Variants in CHEK1 observed in about 807,000 individuals in gnomAD.
CHEK1 encodes the protein checkpoint kinase 1, also known as serine/threonine-protein kinase Chk1.
CHEK1 carries 32 observed loss-of-function variants against 60.2 expected under a neutral mutation model. The observed-to-expected ratio is 0.53, with a 90% CI of 0.40 to 0.71. The LOEUF (loss-of-function observed/expected upper bound fraction) is 0.71, where lower values mean the gene tolerates loss of function less well. Among genes scored for constraint, CHEK1 ranks in the 30% least tolerant of loss-of-function variants. The pLI, the probability that CHEK1 is intolerant of heterozygous loss-of-function variation, is 0.00. For synonymous variants in CHEK1, 179 were observed against 187.2 expected (o/e 0.96, Z 0.36); for missense variants, 399 against 564.6 (o/e 0.71, Z 2.97).
intron 8 of CHEK1, among the ~76,000 whole-genome samples, chr11:125,642,488 T>A (rs1455066345): frequency 6.6e-6 from 1 of 152,034 alleles, no homozygotes; most frequent in Non-Finnish European, 1.5e-5. Flanking sequence ...TGGCACAGAG[T>A]AGACCTAATA....
At chr11:125,626,690 C>T in intron 1 of CHEK1, 59 bp from the exon 2 acceptor site, 2 of 1,493,830 alleles carry the variant, frequency 1.3e-6, no homozygotes, top group Admixed American at 1.7e-5. Flanking sequence ...AGGCGGGGCT[C>T]AGTGGCTTCA....
chr11:125,626,347 G>A, intron 1 of CHEK1: 4 of 435,812 alleles, frequency 9.2e-6, no homozygotes, highest in Non-Finnish European at 1.7e-5. Flanking sequence ...TTGAGCAATT[G>A]GGAGGAGGCG....
At chr11:125,679,116 T>G (rs899297578), downstream of CHEK1, among the ~76,000 whole-genome samples, 2 of 150,280 alleles carry the variant, frequency 1.3e-5, no homozygotes, top group Non-Finnish European at 3.0e-5. Flanking sequence ...TAGTACTCAA[T>G]TTTATTTTTC....
At chr11:125,637,158 G>T (rs1941101393) in intron 7 of CHEK1, among the ~76,000 whole-genome samples, 1 of 152,122 alleles carries the variant, frequency 6.6e-6, no homozygotes, top group African/African-American at 2.4e-5. Flanking sequence ...GATAAGAGGG[G>T]TTTCTGTATC....
At chr11:125,630,859 G>A (rs1017198873) in intron 5 of CHEK1, among the ~76,000 whole-genome samples, 25 of 151,984 alleles carry the variant, frequency 1.6e-4, no homozygotes, top group African/African-American at 5.1e-4. Context: ...TAACCCAAAT[G>A]TCTGTCAACA....
At position 125,650,461 on chromosome 11, in the gene CHEK1, T is replaced by TTTG. The variant is rs1212342271; in HGVS notation, c.1234-3283_1234-3282insGTT. On this transcript the variant is annotated intron_variant, in intron 11 of 12. Transcript: ENST00000438015. Reference sequence around the variant, plus strand: ...TTTGTTTTTTTTAGTGGTGTTTGTTTTTTTTTTTTTTTGAGACGGAGCTTT... The same window carrying TTTG: ...TTTGTTTTTTTTAGTGGTGTTTGTTTTTGTTTTTTTTTTTTGAGACGGAGCTTT... Among the ~76,000 whole-genome samples, 4 of 149,582 alleles carry TTTG rather than the reference T, an allele frequency of 2.7e-5. 1 individual carries two copies. The South Asian group carries it at 8.4e-4, about 32-fold the overall frequency.
chr11:125,672,355 A>G (rs1017310442), intron 13 of CHEK1: 3 of 480,460 alleles, frequency 6.2e-6, no homozygotes, highest in African/African-American at 5.9e-5. Context: ...TGTGAAATTT[A>G]TTGAAAAAAA....
At chr11:125,669,364 T>C (rs141505611) in intron 13 of CHEK1, among the ~76,000 whole-genome samples, 1 of 152,322 alleles carries the variant, frequency 6.6e-6, no homozygotes, top group East Asian at 1.9e-4. Context: ...TGTTTTCTGC[T>C]CTCCATTGTT....
intron 6 of CHEK1, among the ~76,000 whole-genome samples, chr11:125,635,088 G>T (rs950179237): frequency 3.3e-5 from 5 of 152,022 alleles, no homozygotes; most frequent in African/African-American, 7.2e-5. Context: ...CTCCTGAGGA[G>T]CCAGGACTAC....
chr11:125,670,750 G>C (rs767306938), intron 13 of CHEK1, among the ~76,000 whole-genome samples: 5 of 152,168 alleles, frequency 3.3e-5, no homozygotes, highest in African/African-American at 4.8e-5. Context: ...GCCAGCCTGT[G>C]ATGCATGGAT....
rs569052494 is a variant in CHEK1 at position 125,666,782 on chromosome 11, T to G, written c.*28-9146T>G. ...TTCCTTTTACAGTTTTTGCTTAAAG[T>G]CTATTTGATATAAATACAGGTAATC... On this transcript the variant is annotated intron_variant, in intron 13 of 13. Transcript: ENST00000428830. Among the ~76,000 whole-genome samples, 9 of 152,344 alleles carry G rather than the reference T, an allele frequency of 5.9e-5. No homozygotes were observed. In the South Asian group the frequency reaches 1.9e-3, roughly 32 times the overall value.
At chr11:125,670,387 T>C (rs1319479592) in intron 13 of CHEK1, among the ~76,000 whole-genome samples, 3 of 152,214 alleles carry the variant, frequency 2.0e-5, no homozygotes, top group Non-Finnish European at 2.9e-5. Flanking sequence ...TCCCTGCTTT[T>C]TCTATGTGTA....
intron 11 of CHEK1, among the ~76,000 whole-genome samples, chr11:125,650,564 C>G (rs1256761925): frequency 6.7e-6 from 1 of 149,726 alleles, no homozygotes; most frequent in East Asian, 2.0e-4. Flanking sequence ...TCAAGTGAGT[C>G]TCCTGCCTCA....
At chr11:125,679,216 C>CTTTTTCTTTT (rs1555078742), downstream of CHEK1, among the ~76,000 whole-genome samples, 3 of 121,038 alleles carry the variant, frequency 2.5e-5, no homozygotes, top group Non-Finnish European at 3.3e-5. Flanking sequence ...CCGTCTCTTT[C>CTTTTTCTTTT]TTTTTTTTTT....
chr11:125,629,079 C>G lies in CHEK1; in HGVS notation c.290-153C>G, dbSNP rs80090020. Among the ~76,000 whole-genome samples the G allele has an allele frequency of 6.1e-3, 928 of 152,200 alleles. 12 individuals are homozygous for G. The highest frequency in any genetic ancestry group is 0.021 in the African/African-American group (878 of 41,514). On this transcript the variant is annotated intron_variant, in intron 3 of 12. Coordinates refer to ENST00000438015, the MANE Select transcript of CHEK1 (RefSeq NM_001114122.3). ...TAACACAGGTAAATGTGAGTTAAGCCCCATATGTGTTAGTGGACTCCTGAA... is the reference window on the plus strand; with the variant it reads ...TAACACAGGTAAATGTGAGTTAAGCGCCATATGTGTTAGTGGACTCCTGAA...
chr11:125,678,977 A>T (rs866231200), downstream of CHEK1, among the ~76,000 whole-genome samples: 11 of 15,286 alleles, frequency 7.2e-4, no homozygotes, highest in African/African-American at 3.0e-3. Context: ...GTCTAGGCAT[A>T]TTATATATAT....
At chr11:125,650,993 TA>T (rs1941704994) in intron 11 of CHEK1, among the ~76,000 whole-genome samples, 2 of 152,220 alleles carry the variant, frequency 1.3e-5, no homozygotes, top group African/African-American at 4.8e-5. Context: ...ATGTAGAGCT[TA>T]GGGGCCTTCT....
downstream of CHEK1, among the ~76,000 whole-genome samples, chr11:125,678,996 A>ATATG (rs917003699): frequency 2.8e-4 from 40 of 143,068 alleles, 2 homozygotes; most frequent in Non-Finnish European, 6.0e-4. Context: ...ATATATATAT[A>ATATG]TAGACACACA....
intron 13 of CHEK1, among the ~76,000 whole-genome samples, chr11:125,670,223 G>T (rs560763589): frequency 5.5e-4 from 83 of 152,176 alleles, no homozygotes; most frequent in Non-Finnish European, 1.0e-3. Context: ...AAGATTCATT[G>T]TCTGTTTATT....
Sources: gnomAD v4.1 joint callset for allele counts (sites outside exome capture counted in the v4.1 genomes callset) on GRCh38, gnomAD v4.1.1 for gene constraint, MANE v1.5 for transcripts, NCBI Gene and HGNC (gene_info 2026-07-23, HGNC 2026-07-21) for gene names.